Variants in EXOC4 observed in about 807,000 individuals in gnomAD.
EXOC4 encodes exocyst complex component 4.
EXOC4 carries 71 observed loss-of-function variants against 107.2 expected under a neutral mutation model. The ratio of observed to expected loss-of-function variants is 0.66; its 90% CI spans 0.55 to 0.81. The LOEUF is 0.81. Among genes scored for constraint, EXOC4 ranks in the 30% least tolerant of loss-of-function variants. The probability of loss-of-function intolerance (pLI) is 0.00; values close to 1 mark genes in which losing one functional copy is unlikely to be tolerated. For synonymous variants in EXOC4, 456 were observed against 441.2 expected (o/e 1.03, Z -0.42); for missense variants, 1,108 against 1,189.6 (o/e 0.93, Z 1.01).
intron 2 of EXOC4, among the ~76,000 whole-genome samples, chr7:133,286,937 T>G (rs989374798): frequency 2.6e-5 from 4 of 152,172 alleles, no homozygotes; most frequent in African/African-American, 9.7e-5. Flanking sequence ...AAATTACCCA[T>G]GTGTGTGGCT....
In EXOC4 at chr7:133,443,797, C is replaced by A. The variant is rs573153863; in HGVS notation, c.1183-31531C>A. On this transcript the variant is annotated intron_variant, in intron 7 of 17. Coordinates refer to ENST00000253861, the MANE Select transcript of EXOC4 (RefSeq NM_021807.4). ...TCCCAGAAAGGTCATTTGGGAAACA[C>A]CCCCTCTCAAAGGGGCATGTAGTGC... 5.1e-4 allele frequency among the ~76,000 whole-genome samples: 78 copies of A among 152,158 alleles called. 1 individual carries two copies. The highest frequency in any genetic ancestry group is 8.5e-4 in the Non-Finnish European group (58 of 68,026).
intron 5 of EXOC4, among the ~76,000 whole-genome samples, chr7:133,343,117 T>C (rs893244555): frequency 1.3e-5 from 2 of 152,114 alleles, no homozygotes; most frequent in African/African-American, 4.8e-5. Context: ...ATTACCAGAA[T>C]TGTTTTTCTG....
chr7:133,619,844 T>C (rs1401100036), intron 9 of EXOC4, among the ~76,000 whole-genome samples: 2 of 152,170 alleles, frequency 1.3e-5, no homozygotes, highest in African/African-American at 4.8e-5. Flanking sequence ...CATCATCTGT[T>C]ATGTCTGGTA....
chr7:133,785,884 T>G (rs1357888184), intron 10 of EXOC4, among the ~76,000 whole-genome samples: 1 of 152,136 alleles, frequency 6.6e-6, no homozygotes, highest in African/African-American at 2.4e-5. Flanking sequence ...ATAACCAGGA[T>G]GGTCTTGATC....
At chr7:133,343,019 G>C (rs2150629634) in intron 5 of EXOC4, among the ~76,000 whole-genome samples, 1 of 152,090 alleles carries the variant, frequency 6.6e-6, no homozygotes, top group Admixed American at 6.5e-5. Context: ...TTCTTTTTCT[G>C]TCAATTCAGT....
intron 16 of EXOC4, among the ~76,000 whole-genome samples, chr7:134,007,104 A>G (rs1794660538): frequency 6.6e-6 from 1 of 152,196 alleles, no homozygotes; most frequent in South Asian, 2.1e-4. Flanking sequence ...GTTAAGGTAT[A>G]TTAGCATTAT....
intron 10 of EXOC4, among the ~76,000 whole-genome samples, chr7:133,731,200 A>G (rs1029127459): frequency 6.6e-6 from 1 of 152,156 alleles, no homozygotes; most frequent in Admixed American, 6.5e-5. Flanking sequence ...GTAACATCAG[A>G]TTTACTGTTT....
intron 10 of EXOC4, among the ~76,000 whole-genome samples, chr7:133,733,754 T>TG (rs2151119789): frequency 6.6e-6 from 1 of 152,324 alleles, no homozygotes; most frequent in South Asian, 2.1e-4. Flanking sequence ...CACGTCTAGG[T>TG]GTCACTCTTT....
intron 6 of EXOC4, among the ~76,000 whole-genome samples, chr7:133,372,926 G>C (rs1459257751): frequency 6.6e-6 from 1 of 152,174 alleles, no homozygotes; most frequent in African/African-American, 2.4e-5. Context: ...CCTATCAAGA[G>C]AGTACAAAAG....
At chr7:133,303,450 G>C (rs1794686849) in intron 3 of EXOC4, among the ~76,000 whole-genome samples, 1 of 152,084 alleles carries the variant, frequency 6.6e-6, no homozygotes, top group Non-Finnish European at 1.5e-5. Flanking sequence ...ACAAAAAAAA[G>C]ATAAATGTTA....
intron 10 of EXOC4, among the ~76,000 whole-genome samples, chr7:133,742,178 T>C (rs1795579223): frequency 6.6e-6 from 1 of 152,182 alleles, no homozygotes; most frequent in South Asian, 2.1e-4. Flanking sequence ...TTTGAATCCA[T>C]TGGATTCCTT....
intron 11 of EXOC4, among the ~76,000 whole-genome samples, chr7:133,823,859 AT>A (rs1486621212): frequency 1.8e-4 from 3 of 16,606 alleles, no homozygotes; most frequent in African/African-American, 2.2e-3. Flanking sequence ...ATATATATAT[AT>A]ATATATATAT....
chr7:133,620,133 G>A (rs572913424), intron 9 of EXOC4, among the ~76,000 whole-genome samples: 14 of 151,840 alleles, frequency 9.2e-5, no homozygotes, highest in Admixed American at 1.3e-4. Context: ...AGCAATTCTC[G>A]TGCCTCAGCC....
intron 10 of EXOC4, among the ~76,000 whole-genome samples, chr7:133,752,322 G>A (rs907017784): frequency 2.0e-5 from 3 of 152,126 alleles, no homozygotes; most frequent in African/African-American, 7.2e-5. Flanking sequence ...AAAAGCATGG[G>A]TGCAGAGTCC....
chr7:134,005,312 A>G (rs1425254645), intron 16 of EXOC4, among the ~76,000 whole-genome samples: 1 of 152,192 alleles, frequency 6.6e-6, no homozygotes, highest in African/African-American at 2.4e-5. Flanking sequence ...ATCCAAGATA[A>G]GGCAGATGGC....
chr7:133,903,942 G>T (rs185132832), intron 12 of EXOC4, among the ~76,000 whole-genome samples: 15 of 152,250 alleles, frequency 9.9e-5, no homozygotes, highest in African/African-American at 3.4e-4. Flanking sequence ...ACTCAGCACG[G>T]ACTGAGTGAT....
chr7:134,064,188 A>G (rs547977417), intron 17 of EXOC4, 103 bp from the exon 18 acceptor site: 11 of 677,146 alleles, frequency 1.6e-5, no homozygotes, highest in African/African-American at 1.3e-4. Context: ...ATCAATCGTT[A>G]TGAAGTAAGT....
At chr7:133,428,676 G>C (rs1797782229) in intron 7 of EXOC4, among the ~76,000 whole-genome samples, 1 of 152,176 alleles carries the variant, frequency 6.6e-6, no homozygotes, top group Non-Finnish European at 1.5e-5. Context: ...TTGAAGACTT[G>C]TTTAGTATAA....
rs1016610464 is a variant in EXOC4, at chr7:133,996,301, T to C, written c.2207-1191T>C. ...CAGAGAAAATTTAAATAATTAGCTCTTGGTCACATAAAGTAAATGTTGGAG... is the reference window on the plus strand; with the variant it reads ...CAGAGAAAATTTAAATAATTAGCTCCTGGTCACATAAAGTAAATGTTGGAG... On this transcript the variant is annotated intron_variant, in intron 14 of 17. Coordinates refer to ENST00000253861, the MANE Select transcript of EXOC4 (RefSeq NM_021807.4). 4.6e-5 allele frequency among the ~76,000 whole-genome samples: 7 copies of C among 152,182 alleles called. 1 individual carries two copies. The highest frequency in any genetic ancestry group is 1.7e-4 in the African/African-American group (7 of 41,444).
Sources: allele counts gnomAD v4.1 joint callset (sites outside exome capture counted in the v4.1 genomes callset), GRCh38; gene constraint gnomAD v4.1.1; transcripts MANE v1.5; gene names NCBI Gene and HGNC (gene_info 2026-07-23, HGNC 2026-07-21).